The following KIRREL1 variants were observed in gnomAD, a reference collection of about 807,000 sequenced individuals.
The protein encoded by KIRREL1 is kirre like nephrin family adhesion molecule 1, also known as kin of IRRE-like protein 1.
KIRREL1 carries 25 observed loss-of-function variants against 83.3 expected under a neutral mutation model. The ratio of observed to expected loss-of-function variants is 0.30; its 90% CI spans 0.22 to 0.42. The LOEUF (loss-of-function observed/expected upper bound fraction) is 0.42. KIRREL1 is among the 10% of genes least tolerant of loss of function. The pLI, the probability that KIRREL1 is intolerant of heterozygous loss-of-function variation, is 1.00. For synonymous variants in KIRREL1, 388 were observed against 410.4 expected (o/e 0.95, Z 0.66); for missense variants, 812 against 1,032.3 (o/e 0.79, Z 2.92).
In KIRREL1 at chr1:158,089,813, C is replaced by T. The variant is rs770014051; in HGVS notation, c.1267C>T (p.Arg423Cys). 1.9e-6 allele frequency: 3 copies of T among 1,613,948 alleles called. No homozygotes were observed. The highest frequency in any genetic ancestry group is 2.2e-5 in the East Asian group (1 of 44,870). The change falls in exon 10 of 15, where the codon CGC (arginine) becomes TGC (cysteine). Residue 423 changes from arginine to cysteine, a missense_variant. Transcript: ENST00000359209. ...CATTGGGAGCACACCACCCCCAGAC[C>T]GCATAGTGAGTGGCGGACCTGCCTG... Reference protein sequence around the residue: ...CFIGSTPPPDRIAWAWKENFL... With the variant: ...CFIGSTPPPDCIAWAWKENFL...
At chr1:158,053,744 G>A (rs1238217411) in intron 1 of KIRREL1, among the ~76,000 whole-genome samples, 2 of 152,220 alleles carry the variant, frequency 1.3e-5, no homozygotes, top group African/African-American at 4.8e-5. Flanking sequence ...TCAAGGACAA[G>A]GCTATTCCTT....
At chr1:158,090,686 G>A (rs926582755) in intron 10 of KIRREL1, among the ~76,000 whole-genome samples, 6 of 152,198 alleles carry the variant, frequency 3.9e-5, no homozygotes, top group Non-Finnish European at 8.8e-5. Flanking sequence ...GGAATACCCC[G>A]TTGTGGGTTC....
Position 158,091,488 on chromosome 1 carries a change from C to G in KIRREL1, c.1403C>G (p.Thr468Ser), listed in dbSNP as rs563684235. 1.2e-6 allele frequency: 2 copies of G among 1,614,266 alleles called. No individual in the cohort carries two copies. Among genetic ancestry groups the G allele is most frequent in the Admixed American group, 1.7e-5 (1 of 60,036 alleles). The change falls in exon 11 of 15, where the codon ACT becomes AGT. Residue 468 changes from threonine to serine, a missense_variant. Around this residue, in one of 3 missense-constraint regions of KIRREL1, gnomAD observed 472 missense variants for 626.8 expected, o/e 0.75. Transcript: ENST00000359209. ...AATGTCATGGAGGCCGACTTTCAGA[C>G]TCACTACAACTGCACCGCCTGGAAC... Reference protein sequence around the residue: ...INNVMEADFQTHYNCTAWNSF... With the variant: ...INNVMEADFQSHYNCTAWNSF...
intron 1 of KIRREL1, among the ~76,000 whole-genome samples, chr1:158,068,482 A>AC (rs1230239177): frequency 4.6e-5 from 7 of 152,192 alleles, no homozygotes; most frequent in African/African-American, 7.2e-5. Context: ...ACAGACCCAG[A>AC]CCCCTCATCC....
chr1:158,092,345 C>CTT (rs11430850), intron 11 of KIRREL1, among the ~76,000 whole-genome samples: 23,637 of 110,728 alleles, frequency 0.21, 3,508 homozygotes, highest in African/African-American at 0.27. Flanking sequence ...TCACTTCAGT[C>CTT]TTTTTTTTTT....
rs181706566 is a variant in KIRREL1 at position 158,079,538 on chromosome 1, C to G, written c.352+1398C>G. On this transcript the variant is annotated intron_variant, in intron 3 of 14. Coordinates refer to ENST00000359209, the MANE Select transcript of KIRREL1 (RefSeq NM_018240.7). Reference sequence around the variant, plus strand: ...GTTTCACCATGTTGGCCAGGCTGGTCTCGAAATCCTTACCTCAGGTGATCC... The same window carrying G: ...GTTTCACCATGTTGGCCAGGCTGGTGTCGAAATCCTTACCTCAGGTGATCC... 4.8e-4 allele frequency among the ~76,000 whole-genome samples: 73 copies of G among 152,358 alleles called. 1 individual carries two copies. In the East Asian group the frequency reaches 0.013, roughly 28 times the overall value.
intron 1 of KIRREL1, among the ~76,000 whole-genome samples, chr1:157,995,166 T>G (rs938243102): frequency 6.6e-6 from 1 of 152,236 alleles, no homozygotes; most frequent in South Asian, 2.1e-4. Flanking sequence ...TGGTGTGTTA[T>G]GCTGGACCTT....
chr1:157,993,799 A>G (rs1202615811), intron 1 of KIRREL1, 71 bp downstream of exon 1: 3 of 1,023,818 alleles, frequency 2.9e-6, no homozygotes, highest in African/African-American at 1.7e-5. Context: ...CCCCGGTGGG[A>G]GAGTGCTGGA....
At chr1:158,012,068 A>G (rs1221936317) in intron 1 of KIRREL1, among the ~76,000 whole-genome samples, 2 of 150,840 alleles carry the variant, frequency 1.3e-5, no homozygotes, top group Non-Finnish European at 2.9e-5. Context: ...TGTTTTTCAT[A>G]GTGTATCTCC....
At chr1:158,020,329 C>T (rs1557991287) in intron 1 of KIRREL1, among the ~76,000 whole-genome samples, 1 of 152,082 alleles carries the variant, frequency 6.6e-6, no homozygotes, top group South Asian at 2.1e-4. Context: ...CTGGATTTGC[C>T]TTCAAGATGC....
At chr1:158,071,015 T>C (rs1661496412) in intron 1 of KIRREL1, among the ~76,000 whole-genome samples, 1 of 152,094 alleles carries the variant, frequency 6.6e-6, no homozygotes, top group Non-Finnish European at 1.5e-5. Context: ...GGGCAGGAGA[T>C]GGGGTGCTGC....
At position 158,074,234 on chromosome 1, in the gene KIRREL1, G is replaced by A. The variant is rs1558011497; in HGVS notation, c.53-1879G>A. Among the ~76,000 whole-genome samples the A allele has an allele frequency of 2.6e-5, 4 of 152,324 alleles. No individual in the cohort carries two copies. In the East Asian group the frequency reaches 7.7e-4, roughly 29 times the overall value. On this transcript the variant is annotated intron_variant, in intron 1 of 14. Coordinates refer to ENST00000359209, the MANE Select transcript of KIRREL1 (RefSeq NM_018240.7). The stretch of plus-strand genomic sequence containing the variant: ...GCAGACTTGAGGAGCCACTCATGGA[G>A]TATGGGAGAGGGAGCCTGTTTCTAA...
chr1:158,028,885 T>G (rs1660242608), intron 1 of KIRREL1, among the ~76,000 whole-genome samples: 1 of 152,184 alleles, frequency 6.6e-6, no homozygotes, highest in African/African-American at 2.4e-5. Context: ...TCTCCAGGTA[T>G]TAGTGTACAT....
intron 1 of KIRREL1, among the ~76,000 whole-genome samples, chr1:158,051,256 G>A (rs1284937938): frequency 1.3e-5 from 2 of 152,072 alleles, no homozygotes; most frequent in South Asian, 2.1e-4. Context: ...CTGTTCCCTG[G>A]AAGATCTTCC....
In KIRREL1 at chr1:158,088,107, A is replaced by C. The variant is rs1662071487; in HGVS notation, c.869A>C (p.His290Pro). 1 of 1,614,068 alleles carries C rather than the reference A, an allele frequency of 6.2e-7. No individual in the cohort carries two copies. The highest frequency in any genetic ancestry group is 8.5e-7 in the Non-Finnish European group (1 of 1,180,046). The change falls in exon 7 of 15, where the codon CAC becomes CCC. Residue 290 changes from histidine (H) to proline (P), a missense_variant. Physicochemically the swap from His to Pro is moderately conservative, Grantham distance 77. Transcript: ENST00000359209. Reference protein sequence around the residue: ...FFTEPVSCEVHNKVGSTNVST... With the variant: ...FFTEPVSCEVPNKVGSTNVST... Reference sequence around the variant, plus strand: ...ACGGAGCCTGTGTCTTGTGAGGTTCACAACAAAGTGGGAAGCACCAATGTC... The same window carrying C: ...ACGGAGCCTGTGTCTTGTGAGGTTCCCAACAAAGTGGGAAGCACCAATGTC...
At chr1:158,057,110 A>G (rs1165208038) in intron 1 of KIRREL1, among the ~76,000 whole-genome samples, 1 of 152,158 alleles carries the variant, frequency 6.6e-6, no homozygotes. Flanking sequence ...CAGAGATGTT[A>G]CTGCCTTTGG....
chr1:158,000,444 G>A (rs1021942987), intron 1 of KIRREL1, among the ~76,000 whole-genome samples: 1 of 152,222 alleles, frequency 6.6e-6, no homozygotes, highest in Non-Finnish European at 1.5e-5. Flanking sequence ...AGTTATGAAA[G>A]TTGAGAAAGA....
intron 1 of KIRREL1, among the ~76,000 whole-genome samples, chr1:158,067,592 C>T (rs1001578135): frequency 2.0e-4 from 31 of 152,350 alleles, no homozygotes; most frequent in African/African-American, 6.7e-4. Flanking sequence ...CTCCCTTTTA[C>T]AGGCTAAGGA....
intron 13 of KIRREL1, 25 bp downstream of exon 13, chr1:158,093,787 C>T (rs759035682): frequency 6.2e-6 from 10 of 1,612,704 alleles, no homozygotes; most frequent in South Asian, 1.1e-5. Context: ...CCTCTCTGGC[C>T]TCCTGCCTTC....
Sources: gnomAD v4.1 joint callset for allele counts (sites outside exome capture counted in the v4.1 genomes callset) on GRCh38, gnomAD v4.1.1 for gene constraint, gnomAD v4.1.1 regional missense constraint, MANE v1.5 for transcripts, NCBI Gene and HGNC (gene_info 2026-07-23, HGNC 2026-07-21) for gene names.